The following FER variants were observed in gnomAD, a reference collection of about 807,000 sequenced individuals.
The protein encoded by FER is tyrosine-protein kinase Fer.
FER carries 63 observed loss-of-function variants against 111.0 expected under a neutral mutation model. That is an observed-to-expected ratio of 0.57 (90% CI 0.46 to 0.70). The LOEUF is 0.70. FER is among the 30% of genes least tolerant of loss of function. The pLI is 0.00. For missense variants in FER, 914 were observed against 954.0 expected (o/e 0.96, Z 0.55); for synonymous variants, 327 against 313.9 (o/e 1.04, Z -0.44).
rs986370302 is a variant in FER at position 109,169,740 on chromosome 5, G to A, written c.2049-11007G>A. On this transcript the variant is annotated intron_variant, in intron 17 of 19. Coordinates refer to ENST00000281092, the MANE Select transcript of FER (RefSeq NM_005246.4). ...TTTGTGATGATATGCCAGATGAAGA[G>A]TTTGCCATTTGCCACCCAGGAGTGT... Among the ~76,000 whole-genome samples, 5 of 152,158 alleles carry A rather than the reference G, an allele frequency of 3.3e-5. 1 individual carries two copies. The highest frequency in any genetic ancestry group is 7.3e-5 in the Non-Finnish European group (5 of 68,030).
At chr5:108,915,522 G>C (rs1235352936) in intron 10 of FER, among the ~76,000 whole-genome samples, 1 of 151,174 alleles carries the variant, frequency 6.6e-6, no homozygotes, top group Non-Finnish European at 1.5e-5. Flanking sequence ...AATGGCTCTT[G>C]TTTGTTTCTT....
At chr5:108,838,705 C>T (rs993153631) in intron 5 of FER, among the ~76,000 whole-genome samples, 10 of 152,098 alleles carry the variant, frequency 6.6e-5, no homozygotes, top group Non-Finnish European at 1.5e-4. Flanking sequence ...ATGTAACATT[C>T]ATTTACAATA....
intron 17 of FER, among the ~76,000 whole-genome samples, chr5:109,173,959 A>T (rs1275179674): frequency 1.3e-5 from 2 of 152,174 alleles, no homozygotes; most frequent in Admixed American, 1.3e-4. Context: ...ACATCAGTTG[A>T]TAGCTGCATT....
chr5:109,019,831 ATATATT>A (rs1337061897), intron 13 of FER, among the ~76,000 whole-genome samples: 3 of 151,836 alleles, frequency 2.0e-5, no homozygotes, highest in African/African-American at 7.2e-5. Flanking sequence ...ATGTCTGTAG[ATATATT>A]TATATATAAA....
At chr5:108,996,001 T>G (rs1466698992) in intron 13 of FER, among the ~76,000 whole-genome samples, 1 of 152,262 alleles carries the variant, frequency 6.6e-6, no homozygotes, top group Non-Finnish European at 1.5e-5. Flanking sequence ...TTGATTTGCA[T>G]TTCTCTAATG....
At chr5:108,990,456 G>C (rs1205832270) in intron 13 of FER, among the ~76,000 whole-genome samples, 1 of 151,706 alleles carries the variant, frequency 6.6e-6, no homozygotes, top group Non-Finnish European at 1.5e-5. Context: ...GTATGCATGT[G>C]TATGTATGTA....
chr5:108,755,020 C>T (rs1462017046), intron 1 of FER, among the ~76,000 whole-genome samples: 2 of 152,136 alleles, frequency 1.3e-5, no homozygotes, highest in Non-Finnish European at 2.9e-5. Context: ...AGGATATAAC[C>T]ACCTCCATAA....
intron 17 of FER, among the ~76,000 whole-genome samples, chr5:109,153,919 A>G (rs1448203020): frequency 1.3e-5 from 2 of 151,900 alleles, no homozygotes; most frequent in East Asian, 1.9e-4. Context: ...ATGTTTTATT[A>G]TAGACAGTTT....
chr5:108,802,776 G>T (rs956544462), intron 3 of FER, among the ~76,000 whole-genome samples: 1 of 151,896 alleles, frequency 6.6e-6, no homozygotes, highest in Admixed American at 6.6e-5. Flanking sequence ...TAAAACTTAC[G>T]AATTTTCTGT....
At chr5:109,118,553 A>G (rs554984451) in intron 17 of FER, among the ~76,000 whole-genome samples, 228 of 152,052 alleles carry the variant, frequency 1.5e-3, no homozygotes, top group Admixed American at 3.9e-3. Flanking sequence ...CTCTTTTTCT[A>G]TTGATTGGAA....
intron 13 of FER, among the ~76,000 whole-genome samples, chr5:109,030,385 C>A (rs1769427770): frequency 6.6e-6 from 1 of 152,066 alleles, no homozygotes; most frequent in South Asian, 2.1e-4. Flanking sequence ...TTTAATTGTA[C>A]CCTAGACATA....
intron 3 of FER, among the ~76,000 whole-genome samples, chr5:108,809,818 A>G (rs899101984): frequency 5.3e-5 from 8 of 152,156 alleles, no homozygotes; most frequent in Non-Finnish European, 1.2e-4. Flanking sequence ...CTGCCTTGGC[A>G]TCCCAAAATG....
At chr5:108,780,766 G>A (rs1753977867) in intron 2 of FER, among the ~76,000 whole-genome samples, 1 of 150,932 alleles carries the variant, frequency 6.6e-6, no homozygotes, top group Admixed American at 6.6e-5. Context: ...CCCATTACAT[G>A]TATGTTACAC....
At chr5:108,947,631 A>AT (rs1418822505) in intron 11 of FER, among the ~76,000 whole-genome samples, 2 of 151,194 alleles carry the variant, frequency 1.3e-5, no homozygotes, top group African/African-American at 2.4e-5. Flanking sequence ...CACCCTTCGG[A>AT]TTTTTTTTCA....
chr5:109,113,993 C>G (rs1158915249), intron 17 of FER, among the ~76,000 whole-genome samples: 4 of 152,012 alleles, frequency 2.6e-5, no homozygotes. Flanking sequence ...TTAAGAATGG[C>G]TTTTCTAAGC....
chr5:108,832,064 A>G (rs544544997), intron 3 of FER, among the ~76,000 whole-genome samples: 1 of 152,156 alleles, frequency 6.6e-6, no homozygotes, highest in South Asian at 2.1e-4. Context: ...TCCCAAACCT[A>G]CAATTATGTG....
chr5:108,865,152 CTCTG>C lies in FER; in HGVS notation c.482-2609_482-2606del, dbSNP rs1238848512. On this transcript the variant is annotated intron_variant, in intron 5 of 19. Transcript: ENST00000281092. ...ATGGGAGTTCACTCATGATTTGGCTCTCTGTCTGTTATTGGTGTATAAGAATGCT... is the reference window on the plus strand; with the variant it reads ...ATGGGAGTTCACTCATGATTTGGCTCTCTGTTATTGGTGTATAAGAATGCT... Among the ~76,000 whole-genome samples the C allele has an allele frequency of 7.2e-5, 11 of 152,030 alleles. 1 individual carries two copies. Among genetic ancestry groups the C allele is most frequent in the Admixed American group, 5.9e-4 (9 of 15,250 alleles).
intron 5 of FER, among the ~76,000 whole-genome samples, chr5:108,865,377 AC>A (rs1228434114): frequency 2.6e-5 from 4 of 152,158 alleles, no homozygotes; most frequent in Non-Finnish European, 5.9e-5. Flanking sequence ...CCTGGCCAGA[AC>A]TTCCAACACT....
At chr5:108,781,298 A>T (rs1467336604) in intron 2 of FER, among the ~76,000 whole-genome samples, 1 of 151,918 alleles carries the variant, frequency 6.6e-6, no homozygotes, top group South Asian at 2.1e-4. Flanking sequence ...TCAAGCGATT[A>T]TCCTGCCTCA....
Sources: allele counts gnomAD v4.1 joint callset (sites outside exome capture counted in the v4.1 genomes callset), GRCh38; gene constraint gnomAD v4.1.1; transcripts MANE v1.5; gene names NCBI Gene and HGNC (gene_info 2026-07-23, HGNC 2026-07-21).